Variants in ZNF385D observed in about 807,000 individuals in gnomAD.
The protein encoded by ZNF385D is zinc finger protein 659.
Under a neutral mutation model 35.8 loss-of-function variants are expected in ZNF385D, and 15 were observed. The ratio of observed to expected loss-of-function variants is 0.42; its 90% CI spans 0.28 to 0.64. The LOEUF is 0.64. ZNF385D is among the 30% of genes least tolerant of loss of function. The pLI is 0.23. For synonymous variants in ZNF385D, 212 were observed against 186.8 expected (o/e 1.13, Z -1.10); for missense variants, 474 against 494.6 (o/e 0.96, Z 0.39).
intron 2 of ZNF385D, among the ~76,000 whole-genome samples, chr3:21,616,241 A>G (rs1007918298): frequency 6.6e-5 from 10 of 152,198 alleles, no homozygotes; most frequent in Non-Finnish European, 1.3e-4. Context: ...AGAACACACA[A>G]TATCAGGCGA....
chr3:22,039,273 A>G (rs1698521190), intron 3 of ZNF385D, among the ~76,000 whole-genome samples: 2 of 119,890 alleles, frequency 1.7e-5, no homozygotes, highest in South Asian at 2.8e-4. Context: ...AAAAAAAAAA[A>G]GAGTCTATGT....
chr3:21,793,925 T>C (rs1559627557), intron 3 of ZNF385D, among the ~76,000 whole-genome samples: 1 of 152,216 alleles, frequency 6.6e-6, no homozygotes, highest in Non-Finnish European at 1.5e-5. Context: ...ATGAACAGTA[T>C]CTATTTTTCT....
chr3:21,890,602 G>C (rs1023623784), intron 3 of ZNF385D, among the ~76,000 whole-genome samples: 1 of 152,168 alleles, frequency 6.6e-6, no homozygotes, highest in South Asian at 2.1e-4. Flanking sequence ...CTGGGTGACA[G>C]AGTGAGACTC....
At chr3:22,261,671 A>G (rs1010490584) in intron 2 of ZNF385D, among the ~76,000 whole-genome samples, 2 of 151,776 alleles carry the variant, frequency 1.3e-5, no homozygotes, top group Non-Finnish European at 1.5e-5. Context: ...ATTAGCAGAG[A>G]CCTGAAGGTG....
At chr3:21,579,734 A>C (rs952508162) in intron 2 of ZNF385D, 1 of 114,432 alleles carries the variant, frequency 8.7e-6, no homozygotes, top group Non-Finnish European at 1.9e-5. Flanking sequence ...TGTCAAATCC[A>C]TGCTTCCTCT....
intron 3 of ZNF385D, among the ~76,000 whole-genome samples, chr3:21,917,522 G>C (rs544133153): frequency 5.9e-5 from 9 of 152,296 alleles, no homozygotes; most frequent in African/African-American, 2.2e-4. Flanking sequence ...GAAAGCATTA[G>C]AATAGAGACC....
At chr3:22,135,914 T>G (rs144955752) in intron 3 of ZNF385D, among the ~76,000 whole-genome samples, 4 of 152,060 alleles carry the variant, frequency 2.6e-5, no homozygotes, top group African/African-American at 4.8e-5. Flanking sequence ...ACTAAGACAA[T>G]TGCACATCCA....
chr3:22,040,360 T>C (rs1321181687), intron 3 of ZNF385D, among the ~76,000 whole-genome samples: 2 of 152,176 alleles, frequency 1.3e-5, no homozygotes, highest in Non-Finnish European at 2.9e-5. Flanking sequence ...CGTCATTTTA[T>C]AGATAAGGGA....
At chr3:22,061,312 T>C (rs551931545) in intron 3 of ZNF385D, among the ~76,000 whole-genome samples, 5 of 152,134 alleles carry the variant, frequency 3.3e-5, no homozygotes, top group Non-Finnish European at 5.9e-5. Context: ...TCCTTATTCA[T>C]TTACTTTTCT....
Position 21,756,361 on chromosome 3 carries a change from T to C in ZNF385D, c.326-91333A>G, listed in dbSNP as rs560133638. Among the ~76,000 whole-genome samples the C allele has an allele frequency of 6.6e-5, 10 of 152,274 alleles. No individual in the cohort carries two copies. In the South Asian group the frequency reaches 2.1e-3, roughly 32 times the overall value. On this transcript the variant is annotated intron_variant, in intron 3 of 5. Coordinates refer to the ZNF385D transcript ENST00000494108. ...ACTGAGCAAATGGAAGGACAGAATTTCCACTAATTCAGGAAAAAACTTTGA... is the reference window on the plus strand; with the variant it reads ...ACTGAGCAAATGGAAGGACAGAATTCCCACTAATTCAGGAAAAAACTTTGA...
intron 3 of ZNF385D, among the ~76,000 whole-genome samples, chr3:21,546,813 G>C (rs1018884876): frequency 2.2e-5 from 3 of 135,670 alleles, no homozygotes; most frequent in Non-Finnish European, 3.1e-5. Flanking sequence ...ACATAGGTGA[G>C]AGTGGATAAT....
chr3:21,691,965 G>A (rs537508895), intron 1 of ZNF385D, among the ~76,000 whole-genome samples: 77 of 152,236 alleles, frequency 5.1e-4, no homozygotes, highest in African/African-American at 1.7e-3. Flanking sequence ...TCTCCTAGGC[G>A]TGGAGTCATA....
intron 3 of ZNF385D, among the ~76,000 whole-genome samples, chr3:21,913,549 A>T (rs1007223153): frequency 3.9e-5 from 6 of 152,110 alleles, no homozygotes; most frequent in African/African-American, 1.4e-4. Context: ...GATTTCAACA[A>T]ATATTATAGC....
chr3:22,338,429 G>A (rs1413050399), intron 2 of ZNF385D, among the ~76,000 whole-genome samples: 1 of 152,128 alleles, frequency 6.6e-6, no homozygotes, highest in East Asian at 1.9e-4. Flanking sequence ...GAAGACCTAT[G>A]TAGCTGTAGA....
intron 2 of ZNF385D, among the ~76,000 whole-genome samples, chr3:22,331,514 A>G (rs1694936162): frequency 6.6e-6 from 1 of 152,154 alleles, no homozygotes; most frequent in Non-Finnish European, 1.5e-5. Flanking sequence ...CCTAACGCAT[A>G]CTCGTAAAAC....
At chr3:21,464,926 G>A (rs1703420095) in intron 4 of ZNF385D, among the ~76,000 whole-genome samples, 2 of 152,076 alleles carry the variant, frequency 1.3e-5, no homozygotes, top group South Asian at 4.2e-4. Context: ...CCTTCTCAGT[G>A]GGGGTGCAGA....
At chr3:21,469,808 C>G (rs1292870446) in intron 4 of ZNF385D, among the ~76,000 whole-genome samples, 1 of 151,666 alleles carries the variant, frequency 6.6e-6, no homozygotes, top group African/African-American at 2.4e-5. Context: ...ATTTAAACAG[C>G]TAAACAAAAA....
chr3:21,665,156 A>C lies in ZNF385D; in HGVS notation c.23-128T>G. 3.2e-6 allele frequency: 4 copies of C among 1,242,924 alleles called. No homozygotes were observed. In the South Asian group the frequency reaches 6.6e-5, roughly 21 times the overall value. 77.0% of individuals were successfully genotyped at this position (1,242,924 alleles called of 1,614,324 possible). ...AAAAAACAAGACATGGACTCTATTG[A>C]CCTCAACTGGGAACCGGCCAATGAG... On this transcript the variant is annotated intron_variant, in intron 1 of 7. Transcript: ENST00000281523.
intron 4 of ZNF385D, among the ~76,000 whole-genome samples, chr3:21,472,445 C>T (rs182849896): frequency 6.6e-5 from 10 of 152,208 alleles, no homozygotes; most frequent in Admixed American, 5.2e-4. Flanking sequence ...GATCATCAGC[C>T]GTAAATGGCT....
Sources: gnomAD v4.1 joint callset for allele counts (sites outside exome capture counted in the v4.1 genomes callset) on GRCh38, gnomAD v4.1.1 for gene constraint, MANE v1.5 for transcripts, NCBI Gene and HGNC (gene_info 2026-07-23, HGNC 2026-07-21) for gene names.